The following CBLB variants were observed in gnomAD, a reference collection of about 807,000 sequenced individuals.
CBLB encodes Cbl proto-oncogene B.
In CBLB, 31 loss-of-function variants were observed where a neutral mutation model predicts 104.9. The observed-to-expected ratio is 0.30, with a 90% CI of 0.22 to 0.40. The LOEUF (loss-of-function observed/expected upper bound fraction) is 0.40, where lower values mean the gene tolerates loss of function less well. Ranked by LOEUF, CBLB falls within the 10% of genes least tolerant of loss-of-function variation. The pLI, the probability that CBLB is intolerant of heterozygous loss-of-function variation, is 1.00. For synonymous variants in CBLB, 440 were observed against 422.6 expected (o/e 1.04, Z -0.51); for missense variants, 1,062 against 1,214.6 (o/e 0.87, Z 1.87).
intron 3 of CBLB, among the ~76,000 whole-genome samples, chr3:105,849,175 T>C (rs1013424453): frequency 6.6e-6 from 1 of 152,158 alleles, no homozygotes; most frequent in Non-Finnish European, 1.5e-5. Flanking sequence ...TGTCCAAATA[T>C]ATTACTAGAA....
Position 105,853,607 on chromosome 3 carries a change from C to A in CBLB, c.226G>T (p.Asp76Tyr). ...QLKNSPPYIL[D>Y]ILPDTYQHLR... is the part of the protein sequence containing the mutation. The stretch of plus-strand genomic sequence containing the variant: ...TGCTGATATGTATCAGGCAAAATAT[C>A]AAGTATATATGGTGGGCTATTTTTC... Residue 76 changes from aspartate (D) to tyrosine (Y), a missense_variant, in exon 3 of 19, where the codon GAT becomes TAT. Coordinates refer to ENST00000394030, the MANE Select transcript of CBLB (RefSeq NM_170662.5). 1 of 1,610,302 alleles carries A rather than the reference C, an allele frequency of 6.2e-7. No individual in the cohort carries two copies. Among genetic ancestry groups the A allele is most frequent in the South Asian group, 1.1e-5 (1 of 90,990 alleles).
rs565889596 is a variant in CBLB at position 105,818,911 on chromosome 3, T to C, written c.419+34503A>G. On this transcript the variant is annotated intron_variant, in intron 3 of 18. Transcript: ENST00000394030. The stretch of plus-strand genomic sequence containing the variant: ...GATTAATTTGTAAAAAAAAATAAAA[T>C]GGCTACATGAGGAAGCAAAACTATA... Among the ~76,000 whole-genome samples, 72 of 152,200 alleles carry C rather than the reference T, an allele frequency of 4.7e-4. 1 individual carries two copies. Among genetic ancestry groups the C allele is most frequent in the African/African-American group, 1.7e-3 (72 of 41,548 alleles).
rs773046259 is a variant in CBLB at position 105,693,520 on chromosome 3, TGGA to T, written c.2025_2027del (p.Pro676del). On this transcript the variant is annotated inframe_deletion, in exon 13 of 19. Coordinates refer to ENST00000394030, the MANE Select transcript of CBLB (RefSeq NM_170662.5). ...TTATGCTAGGGAGGAGGGTGGTAAC[TGGA>T]GGAGGAGGAGAAAGCCGGGGAGGAA... The T allele has an allele frequency of 3.1e-6, 5 of 1,611,338 alleles. No individual in the cohort carries two copies. Among genetic ancestry groups the T allele is most frequent in the Non-Finnish European group, 4.2e-6 (5 of 1,177,854 alleles).
intron 4 of CBLB, among the ~76,000 whole-genome samples, chr3:105,762,998 C>A (rs549365258): frequency 6.6e-6 from 1 of 152,286 alleles, no homozygotes; most frequent in African/African-American, 2.4e-5. Flanking sequence ...CAACAGCGTG[C>A]CCTGGACGTG....
At chr3:105,780,089 G>A (rs950843012) in intron 3 of CBLB, among the ~76,000 whole-genome samples, 2 of 151,740 alleles carry the variant, frequency 1.3e-5, no homozygotes, top group Admixed American at 6.6e-5. Context: ...CTGACCTCAG[G>A]TGATCTAACC....
chr3:105,773,458 A>G (rs2079099137), intron 4 of CBLB, among the ~76,000 whole-genome samples: 1 of 152,148 alleles, frequency 6.6e-6, no homozygotes, highest in African/African-American at 2.4e-5. Context: ...TGCTCAGGTG[A>G]CCAGTGCACT....
Position 105,704,176 on chromosome 3 carries a change from A to G in CBLB, c.1408-3T>C, listed in dbSNP as rs1458815706. 2 of 1,613,882 alleles carry G rather than the reference A, an allele frequency of 1.2e-6. No individual in the cohort carries two copies. The highest frequency in any genetic ancestry group is 2.2e-5 in the South Asian group (2 of 91,066). Reference sequence around the variant, plus strand: ...GGTGAGTTCTGCCTGTCAGTGCACTAGAACAGAAAAAGAGAAAGATGCCGC... The same window carrying G: ...GGTGAGTTCTGCCTGTCAGTGCACTGGAACAGAAAAAGAGAAAGATGCCGC... On this transcript the variant is annotated splice_region_variant and splice_polypyrimidine_tract_variant and intron_variant, in intron 10 of 18. Coordinates refer to ENST00000394030, the MANE Select transcript of CBLB (RefSeq NM_170662.5).
intron 17 of CBLB, among the ~76,000 whole-genome samples, chr3:105,674,994 T>C (rs2065444181): frequency 6.6e-6 from 1 of 152,158 alleles, no homozygotes; most frequent in South Asian, 2.1e-4. Context: ...CACTACTATA[T>C]AGAAGTCAAT....
chr3:105,869,162 T>A, upstream of CBLB: 2 of 614,250 alleles, frequency 3.3e-6, no homozygotes, highest in Non-Finnish European at 5.0e-6. Flanking sequence ...CTCCTCGCGC[T>A]GCCGCCCCGT....
intron 9 of CBLB, among the ~76,000 whole-genome samples, chr3:105,722,179 TA>T (rs1271494353): frequency 9.7e-6 from 1 of 102,974 alleles, no homozygotes; most frequent in African/African-American, 4.1e-5. Flanking sequence ...AGCCTAGGTG[TA>T]AGGGTAAGAC....
rs761990973 is a variant in CBLB at position 105,702,077 on chromosome 3, C to T, written c.1959+17G>A. The T allele has an allele frequency of 2.1e-5, 34 of 1,613,770 alleles. No individual in the cohort carries two copies. Among genetic ancestry groups the T allele is most frequent in the Non-Finnish European group, 2.9e-5 (34 of 1,179,976 alleles). The stretch of plus-strand genomic sequence containing the variant: ...TTATAAGCAGATTCTCTAGCTTCTG[C>T]TTTGCGTATTTCTTACCTTAGCTCC... On this transcript the variant is annotated intron_variant, in intron 12 of 18. Coordinates refer to ENST00000394030, the MANE Select transcript of CBLB (RefSeq NM_170662.5).
intron 14 of CBLB, chr3:105,682,068 T>C (rs959554910): frequency 2.7e-5 from 13 of 476,126 alleles, no homozygotes; most frequent in African/African-American, 2.3e-4. Context: ...CCACAAAAAT[T>C]GTTGATATCC....
At position 105,792,661 on chromosome 3, in the gene CBLB, G is replaced by A. The variant is rs552119263; in HGVS notation, c.420-16119C>T. 5.9e-5 allele frequency among the ~76,000 whole-genome samples: 9 copies of A among 152,252 alleles called. No individual in the cohort carries two copies. The South Asian group carries it at 1.9e-3, about 32-fold the overall frequency. Reference sequence around the variant, plus strand: ...TCCGATGGGTCAACAGACTGCCAAAGGTCAGAAAGAGGGCGGCTCTTTCCT... The same window carrying A: ...TCCGATGGGTCAACAGACTGCCAAAAGTCAGAAAGAGGGCGGCTCTTTCCT... On this transcript the variant is annotated intron_variant, in intron 3 of 18. Coordinates refer to ENST00000394030, the MANE Select transcript of CBLB (RefSeq NM_170662.5).
rs549432775 is a variant in CBLB, at chr3:105,804,527, A to AG, written c.420-27986_420-27985insC. On this transcript the variant is annotated intron_variant, in intron 3 of 18. Coordinates refer to ENST00000394030, the MANE Select transcript of CBLB (RefSeq NM_170662.5). The stretch of plus-strand genomic sequence containing the variant: ...CAGAGCAAGACTCTGTCTCAAAAAA[A>AG]AAAAAATGTAAAATATCTCATTAAG... 3.0e-3 allele frequency among the ~76,000 whole-genome samples: 459 copies of AG among 152,182 alleles called. 3 individuals carry two copies. In the Middle Eastern group the frequency reaches 0.031, roughly 10 times the overall value.
intron 3 of CBLB, among the ~76,000 whole-genome samples, chr3:105,848,109 C>T (rs558477459): frequency 6.6e-6 from 1 of 152,096 alleles, no homozygotes; most frequent in East Asian, 1.9e-4. Flanking sequence ...TTTAGACACC[C>T]AGCTGGAGTA....
chr3:105,686,901 T>G lies in CBLB; in HGVS notation c.2055-1435A>C, dbSNP rs187837585. On this transcript the variant is annotated intron_variant, in intron 13 of 18. Coordinates refer to ENST00000394030, the MANE Select transcript of CBLB (RefSeq NM_170662.5). ...CTACAGCACAAGCTAAGGGCCTTAA[T>G]AATAATCTATTATTACACCTATTAT... Among the ~76,000 whole-genome samples, 45 of 152,264 alleles carry G rather than the reference T, an allele frequency of 3.0e-4. No individual in the cohort carries two copies. The East Asian group carries it at 8.7e-3, about 29-fold the overall frequency.
intron 4 of CBLB, among the ~76,000 whole-genome samples, chr3:105,771,616 A>C (rs764803812): frequency 1.3e-5 from 2 of 152,146 alleles, no homozygotes; most frequent in Non-Finnish European, 2.9e-5. Context: ...TGATGATATG[A>C]TCATATACCT....
chr3:105,822,012 G>T (rs2085929129), intron 3 of CBLB, among the ~76,000 whole-genome samples: 1 of 151,880 alleles, frequency 6.6e-6, no homozygotes, highest in Non-Finnish European at 1.5e-5. Flanking sequence ...TATAAATGTG[G>T]CTCATTATAT....
intron 10 of CBLB, among the ~76,000 whole-genome samples, chr3:105,704,490 C>T (rs971058056): frequency 1.0e-3 from 154 of 152,050 alleles, no homozygotes; most frequent in Non-Finnish European, 1.6e-3. Context: ...TATGAGGAAT[C>T]CAGAAACACA....
Sources: gnomAD v4.1 joint callset for allele counts (sites outside exome capture counted in the v4.1 genomes callset) on GRCh38, gnomAD v4.1.1 for gene constraint, MANE v1.5 for transcripts, NCBI Gene and HGNC (gene_info 2026-07-23, HGNC 2026-07-21) for gene names.